The following RIT1 variants were observed in gnomAD, a reference collection of about 807,000 sequenced individuals.
RIT1 encodes the protein Ras like without CAAX 1, also known as GTP-binding protein Rit1.
Under a neutral mutation model 25.6 loss-of-function variants are expected in RIT1, and 6 were observed. The ratio of observed to expected loss-of-function variants is 0.23; its 90% CI spans 0.13 to 0.46. The LOEUF (loss-of-function observed/expected upper bound fraction) is 0.46, where lower values mean the gene tolerates loss of function less well. Ranked by LOEUF, RIT1 falls within the 20% of genes least tolerant of loss-of-function variation. The pLI, the probability that RIT1 is intolerant of heterozygous loss-of-function variation, is 0.99. For missense variants in RIT1, 219 were observed against 284.4 expected (o/e 0.77, Z 1.65); for synonymous variants, 81 against 94.1 (o/e 0.86, Z 0.80).
chr1:155,899,686 T>C lies in RIT1; in HGVS notation c.*702A>G, dbSNP rs1198740684. ...CCCTGAAATGAAGAGTAAAATAAGGTTCCCAGGAGAAACCTTCATCACATT... is the reference window on the plus strand; with the variant it reads ...CCCTGAAATGAAGAGTAAAATAAGGCTCCCAGGAGAAACCTTCATCACATT... On this transcript the variant is annotated 3_prime_UTR_variant, in exon 6 of 6. Transcript: ENST00000368323. 5 of 225,392 alleles carry C rather than the reference T, an allele frequency of 2.2e-5. No individual in the cohort carries two copies. In the East Asian group the frequency reaches 3.2e-4, roughly 14 times the overall value. The allele number at this position is 225,392 out of a possible 1,614,324, so 14.0% of individuals were successfully genotyped here. A position where few individuals can be genotyped will look rare whatever the true frequency, so the allele number is the denominator to read the frequency against.
At chr1:155,901,361 G>A (rs983947462) in intron 5 of RIT1, among the ~76,000 whole-genome samples, 1 of 152,038 alleles carries the variant, frequency 6.6e-6, no homozygotes, top group South Asian at 2.1e-4. Flanking sequence ...TTTAGCTGGG[G>A]CCAGGAGCGG....
intron 3 of RIT1, among the ~76,000 whole-genome samples, chr1:155,907,240 CT>C (rs773275927): frequency 0.028 from 3,955 of 138,962 alleles, 175 homozygotes; most frequent in Admixed American, 0.14. Context: ...CATTCATATG[CT>C]TTTTTTTTTT....
chr1:155,910,288 AG>A (rs1279284191), intron 3 of RIT1, 161 bp downstream of exon 3: 1 of 623,482 alleles, frequency 1.6e-6, no homozygotes, highest in African/African-American at 1.8e-5. Context: ...TGAAAAAAAA[AG>A]AAATATTCAG....
chr1:155,903,401 C>T (rs559625219), intron 5 of RIT1, among the ~76,000 whole-genome samples: 28 of 131,494 alleles, frequency 2.1e-4, no homozygotes, highest in Non-Finnish European at 2.1e-4. Flanking sequence ...TGCAGTGAGC[C>T]GAGATTGTGC....
intron 3 of RIT1, among the ~76,000 whole-genome samples, chr1:155,905,073 A>T (rs1673407920): frequency 6.6e-6 from 1 of 152,186 alleles, no homozygotes; most frequent in African/African-American, 2.4e-5. Context: ...TGTCTTTCTT[A>T]AAAAAATTAG....
Position 155,910,459 on chromosome 1 carries a change from G to C in RIT1, c.154C>G (p.Pro52Ala). The change falls in exon 3 of 6, where the codon CCC becomes GCC. Residue 52 changes from proline to alanine, a missense_variant. By Grantham distance (27) the Pro-to-Ala change is conservative. Around this residue, in one of 3 missense-constraint regions of RIT1, gnomAD observed 131 missense variants for 173.6 expected, o/e 0.75. Coordinates refer to ENST00000368323, the MANE Select transcript of RIT1 (RefSeq NM_006912.6). ...TGATGATCTGGCTTACCAATGGTGG[G>C]ATCATGATCTTCTGGGAATCGGTGG... ...ISHRFPEDHD[P>A]TIEDAYKIRI... The C allele has an allele frequency of 6.2e-7, 1 of 1,613,750 alleles. No homozygotes were observed. The highest frequency in any genetic ancestry group is 8.5e-7 in the Non-Finnish European group (1 of 1,179,616).
intron 1 of RIT1, 83 bp from the exon 2 acceptor site, chr1:155,910,887 C>T (rs1450758764): frequency 1.9e-6 from 3 of 1,573,600 alleles, no homozygotes; most frequent in African/African-American, 1.4e-5. Context: ...CCTTTCCATA[C>T]ATATTCTGGC....
chr1:155,898,395 G>A lies in RIT1; in HGVS notation c.*1993C>T, dbSNP rs1003707381. ...TGTCAATTTCTTGCTTGGGCCAGGTGGTGGCTCATGCCTGTAATCCCAGCA... is the reference window on the plus strand; with the variant it reads ...TGTCAATTTCTTGCTTGGGCCAGGTAGTGGCTCATGCCTGTAATCCCAGCA... On this transcript the variant is annotated 3_prime_UTR_variant, in exon 6 of 6. Transcript: ENST00000368323. The A allele has an allele frequency of 6.7e-6, 1 of 150,076 alleles. No individual in the cohort carries two copies. The highest frequency in any genetic ancestry group is 2.5e-5 in the African/African-American group (1 of 40,800). The allele number at this position is 150,076 out of a possible 1,614,324, so 9.3% of individuals were successfully genotyped here. A position where few individuals can be genotyped will look rare whatever the true frequency, so the allele number is the denominator to read the frequency against.
intron 5 of RIT1, among the ~76,000 whole-genome samples, chr1:155,902,824 C>G (rs865842859): frequency 6.6e-6 from 1 of 151,592 alleles, no homozygotes; most frequent in Middle Eastern, 3.4e-3. Context: ...GCCTGGGCAA[C>G]AGAGTGAGAC....
At chr1:155,907,416 T>C (rs1394305948) in intron 3 of RIT1, among the ~76,000 whole-genome samples, 1 of 152,106 alleles carries the variant, frequency 6.6e-6, no homozygotes, top group Non-Finnish European at 1.5e-5. Context: ...CTAATTTTTG[T>C]ATTTTCAGTA....
chr1:155,904,278 G>A, intron 5 of RIT1, 33 bp downstream of exon 5: 12 of 1,463,082 alleles, frequency 8.2e-6, no homozygotes, highest in Non-Finnish European at 1.1e-5. Flanking sequence ...AATTGTATAA[G>A]ATTATAGACA....
At chr1:155,910,397 T>G in intron 3 of RIT1, 53 bp downstream of exon 3, 2 of 1,416,876 alleles carry the variant, frequency 1.4e-6, no homozygotes, top group South Asian at 1.2e-5. Flanking sequence ...CTGATATTCA[T>G]TAAGATATTT....
At chr1:155,907,107 C>CA (rs200399012) in intron 3 of RIT1, among the ~76,000 whole-genome samples, 2,201 of 144,940 alleles carry the variant, frequency 0.015, 44 homozygotes, top group African/African-American at 0.053. Context: ...GACCCTGTCT[C>CA]AAAAAAAAAG....
intron 3 of RIT1, chr1:155,910,234 T>G: frequency 3.6e-6 from 2 of 555,880 alleles, no homozygotes; most frequent in South Asian, 4.4e-5. Context: ...CCCATTAATG[T>G]TCAGTAAGAG....
intron 3 of RIT1, among the ~76,000 whole-genome samples, chr1:155,908,128 C>T (rs1047971709): frequency 6.7e-6 from 1 of 149,090 alleles, no homozygotes; most frequent in Non-Finnish European, 1.5e-5. Flanking sequence ...ATAACTCTTA[C>T]AGGAGACGAG....
chr1:155,911,282 G>C lies in RIT1; in HGVS notation c.-83C>G. 1 of 256,940 alleles carries C rather than the reference G, an allele frequency of 3.9e-6. No individual in the cohort carries two copies. The highest frequency in any genetic ancestry group is 4.7e-5 in the South Asian group (1 of 21,272). 15.9% of individuals were successfully genotyped at this position (256,940 alleles called of 1,614,324 possible). A position where few individuals can be genotyped will look rare whatever the true frequency, so the allele number is the denominator to read the frequency against. ...CCCTGCTGCTCCTACTGGTCAGTGG[G>C]GACTGGAACACCACAGCCGGTCGGG... On this transcript the variant is annotated 5_prime_UTR_variant, in exon 1 of 6. Coordinates refer to ENST00000368323, the MANE Select transcript of RIT1 (RefSeq NM_006912.6).
chr1:155,901,510 C>G (rs1242412742), intron 5 of RIT1, among the ~76,000 whole-genome samples: 2 of 152,008 alleles, frequency 1.3e-5, no homozygotes, highest in African/African-American at 4.8e-5. Flanking sequence ...TGGTGTTGGG[C>G]ACCTGTAATC....
intron 1 of RIT1, 200 bp downstream of exon 1, chr1:155,911,043 T>C (rs777231800): frequency 2.2e-6 from 2 of 899,694 alleles, no homozygotes; most frequent in East Asian, 2.7e-5. Context: ...AAGAGAAAAA[T>C]AAAAAGATAC....
chr1:155,905,250 G>A (rs1261588993), intron 3 of RIT1, among the ~76,000 whole-genome samples: 1 of 151,638 alleles, frequency 6.6e-6, no homozygotes, highest in Non-Finnish European at 1.5e-5. Flanking sequence ...AGGCTGGAGT[G>A]CAGTGGTGCA....
Sources: allele counts gnomAD v4.1 joint callset (sites outside exome capture counted in the v4.1 genomes callset), GRCh38; gene constraint gnomAD v4.1.1; regional missense constraint gnomAD v4.1.1; transcripts MANE v1.5; gene names NCBI Gene and HGNC (gene_info 2026-07-23, HGNC 2026-07-21).